The following CIROZ variants were observed in gnomAD, a reference collection of about 807,000 sequenced individuals.
CIROZ encodes ciliated left-right organizer protein containing ZP-N domains, also known as ciliated left-right organizer ZP-N domains-containing protein.
the CIROZ span, chr1:10,955,010 C>T: frequency 6.2e-7 from 1 of 1,604,592 alleles, no homozygotes; most frequent in East Asian, 2.2e-5. Context: ...AGCACCCCGG[C>T]CGCCGGAATG....
chr1:10,948,585 G>A, the CIROZ span: 1 of 1,614,182 alleles, frequency 6.2e-7, no homozygotes, highest in Non-Finnish European at 8.5e-7. Context: ...CGGTGAAGGA[G>A]AGGAGGCATC....
chr1:10,977,340 G>A, the CIROZ span, among the ~76,000 whole-genome samples: 3 of 152,060 alleles, frequency 2.0e-5, no homozygotes, highest in Non-Finnish European at 2.9e-5. Context: ...AAAATTCCCC[G>A]GGCGTGGTGG....
At chr1:10,955,256 G>C in the CIROZ span, 1 of 1,442,028 alleles carries the variant, frequency 6.9e-7, no homozygotes, top group Non-Finnish European at 9.4e-7. Flanking sequence ...TTAAGTGGTG[G>C]TGGGCCTTTG....
the CIROZ span, among the ~76,000 whole-genome samples, chr1:10,970,988 A>C: frequency 6.9e-6 from 1 of 145,162 alleles, no homozygotes; most frequent in Non-Finnish European, 1.5e-5. Context: ...CTAAGAAAAA[A>C]ATTTTTTGTT....
the CIROZ span, chr1:10,948,982 T>G: frequency 2.6e-6 from 2 of 774,702 alleles, no homozygotes; most frequent in African/African-American, 1.7e-5. Flanking sequence ...CCCAACACAA[T>G]AGGAGGCCAA....
At chr1:10,957,934 G>A in the CIROZ span, among the ~76,000 whole-genome samples, 1 of 152,196 alleles carries the variant, frequency 6.6e-6, no homozygotes, top group Non-Finnish European at 1.5e-5. Context: ...ACGCTAGCAC[G>A]CTTATACTTT....
chr1:10,947,925 G>A, the CIROZ span: 339 of 1,613,672 alleles, frequency 2.1e-4, no homozygotes, highest in Non-Finnish European at 2.7e-4. Context: ...CCAGCCAGGG[G>A]CTGACTCCAG....
chr1:10,981,992 C>G, the CIROZ span: 2 of 1,537,196 alleles, frequency 1.3e-6, no homozygotes, highest in Non-Finnish European at 1.7e-6. Context: ...TCTCCCAATT[C>G]CTGAATAAGG....
At chr1:10,959,068 A>T in the CIROZ span, among the ~76,000 whole-genome samples, 1 of 152,154 alleles carries the variant, frequency 6.6e-6, no homozygotes, top group Admixed American at 6.5e-5. This position sits in a 1 kb window ranked among gnomAD's most constrained non-coding sequence, Gnocchi z 4.3. Flanking sequence ...GCCCACTTCC[A>T]TTGGGGCTGT....
the CIROZ span, chr1:10,948,735 G>C: frequency 6.5e-7 from 1 of 1,548,726 alleles, no homozygotes. Context: ...TGCTTCCCCT[G>C]GGGGAGGCTG....
At chr1:10,976,284 G>A in the CIROZ span, 1 of 1,400,770 alleles carries the variant, frequency 7.1e-7, no homozygotes, top group Non-Finnish European at 9.8e-7. Context: ...AGGGGGTGGG[G>A]ACATGCACCG....
the CIROZ span, among the ~76,000 whole-genome samples, chr1:10,962,517 T>G: frequency 6.6e-6 from 1 of 152,164 alleles, no homozygotes; most frequent in Non-Finnish European, 1.5e-5. Context: ...ATTTCCAGTT[T>G]ATCTTGAAAT....
the CIROZ span, among the ~76,000 whole-genome samples, chr1:10,969,548 A>T: frequency 6.6e-6 from 1 of 152,176 alleles, no homozygotes; most frequent in Admixed American, 6.5e-5. Flanking sequence ...TTTGGAGCAT[A>T]GCGGCACCAG....
chr1:10,964,641 T>C, the CIROZ span, among the ~76,000 whole-genome samples: 1 of 152,182 alleles, frequency 6.6e-6, no homozygotes, highest in African/African-American at 2.4e-5. Flanking sequence ...GGGCTATTTT[T>C]TGTTGTTGAG....
chr1:10,951,685 A>G, the CIROZ span, among the ~76,000 whole-genome samples: 1 of 150,234 alleles, frequency 6.7e-6, no homozygotes, highest in African/African-American at 2.5e-5. Flanking sequence ...TGATTGCAAC[A>G]TTGTACTTCA....
the CIROZ span, among the ~76,000 whole-genome samples, chr1:10,977,312 C>T: frequency 2.6e-5 from 4 of 152,166 alleles, no homozygotes; most frequent in South Asian, 2.1e-4. Flanking sequence ...GGTGAAACCC[C>T]GTCTCTACTA....
the CIROZ span, chr1:10,955,203 A>G: frequency 1.9e-6 from 3 of 1,584,312 alleles, no homozygotes; most frequent in Admixed American, 3.5e-5. Flanking sequence ...TGGGAAGGAC[A>G]CAGGACACAG....
At chr1:10,973,951 G>A in the CIROZ span, among the ~76,000 whole-genome samples, 1 of 137,358 alleles carries the variant, frequency 7.3e-6, no homozygotes, top group Non-Finnish European at 1.5e-5. Context: ...GGGACCCCAG[G>A]AAGGACCCCC....
the CIROZ span, chr1:10,976,148 T>C: frequency 1.0e-5 from 16 of 1,535,366 alleles, no homozygotes; most frequent in Non-Finnish European, 1.4e-5. Context: ...AAAGTGTGAT[T>C]GATTCACCTG....
Sources: gnomAD v4.1 joint callset for allele counts (sites outside exome capture counted in the v4.1 genomes callset) on GRCh38, gnomAD v4.1.1 for gene constraint, Gnocchi (gnomAD v3.1) non-coding constraint, MANE v1.5 for transcripts, NCBI Gene and HGNC (gene_info 2026-07-23, HGNC 2026-07-21) for gene names.